PDE1C: variants seen among roughly 807,000 people sequenced by gnomAD.
The protein encoded by PDE1C is dual specificity calcium/calmodulin-dependent 3',5'-cyclic nucleotide phosphodiesterase 1C.
In PDE1C, 62 loss-of-function variants were observed where a neutral mutation model predicts 93.1. The observed-to-expected ratio is 0.67, with a 90% CI of 0.54 to 0.82. PDE1C has a LOEUF of 0.82. PDE1C is among the 40% of genes least tolerant of loss of function. The pLI is 0.00. For missense variants in PDE1C, 742 were observed against 884.6 expected, an observed-to-expected ratio of 0.84 and a Z score of 2.04; for synonymous variants, 325 against 310.1, an observed-to-expected ratio of 1.05 and a Z score of -0.50.
the PDE1C span, among the ~76,000 whole-genome samples, chr7:31,708,632 G>A: frequency 1.3e-5 from 2 of 152,222 alleles, no homozygotes; most frequent in African/African-American, 4.8e-5. Context: ...CCAGTCAGGA[G>A]AAGTGATGTA....
At chr7:32,112,820 G>A (rs1798726069) in intron 3 of PDE1C, among the ~76,000 whole-genome samples, 1 of 81,454 alleles carries the variant, frequency 1.2e-5, no homozygotes, top group Non-Finnish European at 2.4e-5. Context: ...GTGTGTGTGT[G>A]TGTGTGTGTG....
At chr7:32,348,428 G>A (rs2128082113) in intron 1 of PDE1C, among the ~76,000 whole-genome samples, 1 of 117,060 alleles carries the variant, frequency 8.5e-6, no homozygotes, top group South Asian at 3.0e-4. Flanking sequence ...GCAGTGGTAT[G>A]ATCTTGGCTC....
intron 1 of PDE1C, among the ~76,000 whole-genome samples, chr7:32,399,394 C>T (rs1472769583): frequency 1.3e-5 from 2 of 152,062 alleles, no homozygotes; most frequent in Non-Finnish European, 1.5e-5. Flanking sequence ...TTTATTTTCT[C>T]ATGGTTCTGG....
chr7:31,893,585 G>T lies in PDE1C; in HGVS notation c.129-12725C>A, dbSNP rs150043119. ...TAAAATAGCTCTGGCTTTCTCTGTG[G>T]TTAAAAATATGAGCTTGATATCGCT... On this transcript the variant is annotated intron_variant, in intron 2 of 17. Coordinates refer to ENST00000396191, the MANE Select transcript of PDE1C (RefSeq NM_001191057.4). 279 of 750,324 alleles carry T rather than the reference G, an allele frequency of 3.7e-4. 2 individuals are homozygous for T. The African/African-American group carries it at 5.0e-3, about 14-fold the overall frequency. 46.5% of individuals were successfully genotyped at this position (750,324 alleles called of 1,614,324 possible). A position where few individuals can be genotyped will look rare whatever the true frequency, so the allele number is the denominator to read the frequency against.
intron 2 of PDE1C, among the ~76,000 whole-genome samples, chr7:32,198,896 C>T (rs1220072282): frequency 6.6e-6 from 1 of 151,988 alleles, no homozygotes; most frequent in Non-Finnish European, 1.5e-5. Context: ...GCAGGTGGAT[C>T]ACTTGAGGTC....
Position 32,000,576 on chromosome 7 carries a change from C to A in PDE1C, c.128+50978G>T, listed in dbSNP as rs562162692. 3.9e-5 allele frequency among the ~76,000 whole-genome samples: 6 copies of A among 152,306 alleles called. No individual in the cohort carries two copies. The South Asian group carries it at 1.2e-3, about 32-fold the overall frequency. On this transcript the variant is annotated intron_variant, in intron 2 of 17. Transcript: ENST00000396191. ...CTTCACTCAGTTCCTGAGCTACTCA[C>A]AAACATCGCAGAACCCTCTCACCAG...
chr7:31,903,676 C>T (rs1800250485), intron 2 of PDE1C, among the ~76,000 whole-genome samples: 2 of 152,100 alleles, frequency 1.3e-5, no homozygotes, highest in African/African-American at 4.8e-5. Context: ...CTATTCTTTT[C>T]CCAAAGCTTC....
In PDE1C at chr7:31,841,495, T is replaced by C. The variant is rs557833553; in HGVS notation, c.981-3524A>G. Among the ~76,000 whole-genome samples the C allele has an allele frequency of 2.1e-3, 318 of 152,186 alleles. 2 individuals carry two copies. The highest frequency in any genetic ancestry group is 3.3e-3 in the Non-Finnish European group (221 of 67,982). On this transcript the variant is annotated intron_variant, in intron 9 of 17. Transcript: ENST00000396191. ...ATTTCACCATTAAGCTTGATGTTAG[T>C]TATAGGTTTTTCACACATGCACTTT... is the stretch of plus-strand genomic sequence containing the variant.
upstream of PDE1C, among the ~76,000 whole-genome samples, chr7:32,303,725 A>G (rs894154789): frequency 2.6e-5 from 4 of 152,118 alleles, no homozygotes; most frequent in African/African-American, 9.7e-5. Context: ...AGGTTACCAA[A>G]TTCTATTTCC....
At chr7:32,091,855 A>G (rs1044668337) in intron 3 of PDE1C, among the ~76,000 whole-genome samples, 1 of 152,188 alleles carries the variant, frequency 6.6e-6, no homozygotes, top group Non-Finnish European at 1.5e-5. Flanking sequence ...AGACCATGAT[A>G]GGGGCAAGGG....
intron 2 of PDE1C, among the ~76,000 whole-genome samples, chr7:32,183,934 T>A (rs940212235): frequency 3.3e-5 from 5 of 151,900 alleles, no homozygotes; most frequent in East Asian, 1.9e-4. Flanking sequence ...GAATCTACAA[T>A]GAACTCAAAC....
intron 16 of PDE1C, among the ~76,000 whole-genome samples, chr7:31,801,162 A>C (rs895039753): frequency 1.3e-5 from 2 of 151,250 alleles, no homozygotes; most frequent in African/African-American, 4.8e-5. Flanking sequence ...TAAAATAGAA[A>C]ACAGAAAAAC....
intron 1 of PDE1C, among the ~76,000 whole-genome samples, chr7:32,282,590 T>TA (rs1811736301): frequency 7.0e-6 from 1 of 143,740 alleles, no homozygotes; most frequent in African/African-American, 2.6e-5. Context: ...CTTCTTTTTT[T>TA]TTTTTTTTTG....
intron 1 of PDE1C, among the ~76,000 whole-genome samples, chr7:32,223,549 A>G (rs6966467): frequency 0.99 from 150,824 of 152,296 alleles, 74,697 homozygotes; most frequent in Middle Eastern, 1. Flanking sequence ...CAGCTGAAAC[A>G]TCATGTCCCC....
At chr7:32,270,442 T>G (rs1250140108) in intron 1 of PDE1C, among the ~76,000 whole-genome samples, 3 of 152,124 alleles carry the variant, frequency 2.0e-5, no homozygotes, top group Non-Finnish European at 4.4e-5. Flanking sequence ...TAGAAAAATA[T>G]AAAAGGCTTC....
intron 1 of PDE1C, among the ~76,000 whole-genome samples, chr7:32,316,598 T>C (rs1360827165): frequency 6.6e-6 from 1 of 152,234 alleles, no homozygotes; most frequent in Non-Finnish European, 1.5e-5. Flanking sequence ...AAAGTCTTCA[T>C]GTGTGGGGAA....
At chr7:32,407,775 C>G (rs1254387694) in intron 1 of PDE1C, among the ~76,000 whole-genome samples, 3 of 152,110 alleles carry the variant, frequency 2.0e-5, no homozygotes, top group Non-Finnish European at 4.4e-5. Flanking sequence ...ATGTGTGGAG[C>G]CTGGGTTGAG....
intron 3 of PDE1C, among the ~76,000 whole-genome samples, chr7:32,133,222 G>C (rs1343441814): frequency 6.6e-6 from 1 of 152,152 alleles, no homozygotes; most frequent in East Asian, 1.9e-4. Flanking sequence ...CTGACATACA[G>C]AAGAGCATGT....
At chr7:32,401,278 C>G (rs1322746399) in intron 1 of PDE1C, among the ~76,000 whole-genome samples, 2 of 152,106 alleles carry the variant, frequency 1.3e-5, no homozygotes, top group Non-Finnish European at 2.9e-5. Flanking sequence ...GTGGCTTACA[C>G]CTGTAATCCC....
Sources: gnomAD v4.1 joint callset for allele counts (sites outside exome capture counted in the v4.1 genomes callset) on GRCh38, gnomAD v4.1.1 for gene constraint, MANE v1.5 for transcripts, NCBI Gene and HGNC (gene_info 2026-07-23, HGNC 2026-07-21) for gene names.